The following LRRTM3 variants were observed in gnomAD, a reference collection of about 807,000 sequenced individuals.
LRRTM3 encodes the protein leucine rich repeat transmembrane neuronal 3, also known as leucine-rich repeat transmembrane neuronal protein 3.
In LRRTM3, 24 loss-of-function variants were observed where a neutral mutation model predicts 44.7. The observed-to-expected ratio is 0.54, with a 90% CI of 0.39 to 0.76. The LOEUF (loss-of-function observed/expected upper bound fraction) is 0.76. Ranked by LOEUF, LRRTM3 falls within the 30% of genes least tolerant of loss-of-function variation. The pLI, the probability that LRRTM3 is intolerant of heterozygous loss-of-function variation, is 0.00. For synonymous variants in LRRTM3, 277 were observed against 278.7 expected, an observed-to-expected ratio of 0.99 and a Z score of 0.06; for missense variants, 587 against 702.2, an observed-to-expected ratio of 0.84 and a Z score of 1.85.
At chr10:66,987,156 A>G (rs1444380141) in intron 2 of LRRTM3, among the ~76,000 whole-genome samples, 1 of 152,182 alleles carries the variant, frequency 6.6e-6, no homozygotes, top group Non-Finnish European at 1.5e-5. Flanking sequence ...AGGTTTTGAA[A>G]CACGGACACA....
chr10:67,014,303 T>A (rs552541193), intron 2 of LRRTM3, among the ~76,000 whole-genome samples: 51 of 152,276 alleles, frequency 3.3e-4, no homozygotes, highest in African/African-American at 1.2e-3. Context: ...ACACAAAAAT[T>A]GTAATTTATG....
At chr10:67,062,698 T>C (rs1855829480) in intron 2 of LRRTM3, among the ~76,000 whole-genome samples, 1 of 152,136 alleles carries the variant, frequency 6.6e-6, no homozygotes, top group Non-Finnish European at 1.5e-5. Flanking sequence ...CCTTATACAC[T>C]TTTCCCTGCA....
intron 2 of LRRTM3, among the ~76,000 whole-genome samples, chr10:67,002,607 C>T (rs1291264846): frequency 6.6e-6 from 1 of 152,254 alleles, no homozygotes; most frequent in Middle Eastern, 3.4e-3. Context: ...TAAATTATCT[C>T]AGAGCTGTGT....
At chr10:67,022,372 G>A (rs1853076642) in intron 2 of LRRTM3, among the ~76,000 whole-genome samples, 1 of 152,066 alleles carries the variant, frequency 6.6e-6, no homozygotes, top group African/African-American at 2.4e-5. Flanking sequence ...TTCTATGAAG[G>A]AACAAGTTAT....
intron 2 of LRRTM3, among the ~76,000 whole-genome samples, chr10:66,932,612 T>C (rs1357380782): frequency 1.3e-5 from 2 of 152,112 alleles, no homozygotes; most frequent in Non-Finnish European, 2.9e-5. Context: ...AATATATAGG[T>C]AAATTTGAAT....
intron 2 of LRRTM3, among the ~76,000 whole-genome samples, chr10:67,075,046 C>T (rs2619654): frequency 0.14 from 20,892 of 151,944 alleles, 1,930 homozygotes; most frequent in African/African-American, 0.27. Flanking sequence ...TCTTCAGCTT[C>T]TAACAGTAAG....
intron 2 of LRRTM3, among the ~76,000 whole-genome samples, chr10:67,070,856 A>G (rs537781985): frequency 1.2e-4 from 19 of 152,230 alleles, no homozygotes; most frequent in Non-Finnish European, 2.4e-4. Context: ...TGTTTACTAT[A>G]TTCTTTTTTT....
intron 2 of LRRTM3, among the ~76,000 whole-genome samples, chr10:67,036,269 AC>A (rs1018775264): frequency 6.8e-6 from 1 of 147,070 alleles, no homozygotes; most frequent in African/African-American, 2.5e-5. Flanking sequence ...CCTCCACCAC[AC>A]CCAGCTTTTT....
intron 2 of LRRTM3, among the ~76,000 whole-genome samples, chr10:67,023,907 T>C (rs1033558903): frequency 4.6e-5 from 7 of 152,242 alleles, no homozygotes; most frequent in African/African-American, 1.7e-4. Flanking sequence ...ATGAAATTCA[T>C]GGGTAAGAAG....
chr10:66,960,073 A>T (rs1357058376), intron 2 of LRRTM3, among the ~76,000 whole-genome samples: 2 of 151,540 alleles, frequency 1.3e-5, no homozygotes, highest in African/African-American at 2.4e-5. Context: ...GCTATTTGAA[A>T]TTTTTTTTTC....
chr10:67,089,236 A>G (rs1564883427), intron 2 of LRRTM3, among the ~76,000 whole-genome samples: 1 of 152,074 alleles, frequency 6.6e-6, no homozygotes, highest in Non-Finnish European at 1.5e-5. Flanking sequence ...TTAGCTCTTA[A>G]GAAAATATAA....
intron 2 of LRRTM3, among the ~76,000 whole-genome samples, chr10:67,002,004 G>A (rs530846262): frequency 1.3e-5 from 2 of 152,228 alleles, no homozygotes; most frequent in South Asian, 2.1e-4. Context: ...CTTAGAGTCC[G>A]AAGACCTAGG....
intron 2 of LRRTM3, among the ~76,000 whole-genome samples, chr10:66,930,254 A>G (rs1847299833): frequency 6.6e-6 from 1 of 152,166 alleles, no homozygotes; most frequent in South Asian, 2.1e-4. Context: ...CTTCAGAAAA[A>G]CATCTTAGTT....
intron 2 of LRRTM3, among the ~76,000 whole-genome samples, chr10:66,993,372 G>T (rs890650030): frequency 6.6e-6 from 1 of 152,106 alleles, no homozygotes; most frequent in African/African-American, 2.4e-5. Context: ...TTAAAAGAAG[G>T]TAAAGTAGAC....
chr10:67,029,697 G>A (rs566140324), intron 2 of LRRTM3, among the ~76,000 whole-genome samples: 6 of 152,218 alleles, frequency 3.9e-5, no homozygotes, highest in African/African-American at 7.2e-5. Context: ...CTACTAAAGC[G>A]TAAAACAAAA....
intron 2 of LRRTM3, among the ~76,000 whole-genome samples, chr10:66,953,718 C>T (rs562516416): frequency 1.3e-5 from 2 of 152,192 alleles, no homozygotes; most frequent in Non-Finnish European, 2.9e-5. Context: ...CCAGATTGTG[C>T]TTCTGATATG....
chr10:67,087,496 C>T (rs1433186708), intron 2 of LRRTM3, among the ~76,000 whole-genome samples: 2 of 151,656 alleles, frequency 1.3e-5, no homozygotes, highest in East Asian at 1.9e-4. Flanking sequence ...TTTAGATACA[C>T]AATTCATACC....
chr10:67,089,571 T>C (rs1857505192), intron 2 of LRRTM3, among the ~76,000 whole-genome samples: 1 of 152,036 alleles, frequency 6.6e-6, no homozygotes, highest in Non-Finnish European at 1.5e-5. Flanking sequence ...GAATCACTTC[T>C]CAGCAATATG....
intron 2 of LRRTM3, among the ~76,000 whole-genome samples, chr10:66,980,986 A>G (rs912636907): frequency 1.1e-4 from 16 of 152,054 alleles, no homozygotes; most frequent in African/African-American, 3.9e-4. Context: ...GGCTCACCCC[A>G]ACCTCCACCT....
Sources: allele counts gnomAD v4.1 joint callset (sites outside exome capture counted in the v4.1 genomes callset), GRCh38; gene constraint gnomAD v4.1.1; transcripts MANE v1.5; gene names NCBI Gene and HGNC (gene_info 2026-07-23, HGNC 2026-07-21).